Variants in GNPDA1 observed in about 807,000 individuals in gnomAD.
The protein encoded by GNPDA1 is glucosamine-6-phosphate deaminase 1.
Under a neutral mutation model 28.5 loss-of-function variants are expected in GNPDA1, and 24 were observed. The observed-to-expected ratio is 0.84, with a 90% CI of 0.61 to 1.19. GNPDA1 has a LOEUF of 1.19. Ranked by LOEUF, GNPDA1 falls within the 50% of genes most tolerant of loss-of-function variation. GNPDA1 has a pLI of 0.00. For synonymous variants in GNPDA1, 147 were observed against 139.3 expected (o/e 1.06, Z -0.39); for missense variants, 264 against 367.3 (o/e 0.72, Z 2.30).
rs1164670838 is a variant in GNPDA1, at chr5:142,005,312, A to G, written c.410-196T>C. On this transcript the variant is annotated intron_variant, in intron 4 of 6. Transcript: ENST00000311337. Reference sequence around the variant, plus strand: ...TCCCTACCATTTCTTTCTCTTTGCCATACTGTCTCAGAGGAGACCCTCCCC... The same window carrying G: ...TCCCTACCATTTCTTTCTCTTTGCCGTACTGTCTCAGAGGAGACCCTCCCC... 6.6e-5 allele frequency: 32 copies of G among 483,278 alleles called. No individual in the cohort carries two copies. The East Asian group carries it at 6.7e-4, about 10-fold the overall frequency. 29.9% of individuals were successfully genotyped at this position (483,278 alleles called of 1,614,324 possible). A position where few individuals can be genotyped will look rare whatever the true frequency, so the allele number is the denominator to read the frequency against.
rs1755686248 is a variant in GNPDA1 at position 142,001,908 on chromosome 5, T to A, written c.*121A>T. 2.0e-6 allele frequency: 1 copy of A among 495,520 alleles called. No individual in the cohort carries two copies. The highest frequency in any genetic ancestry group is 3.8e-5 in the Admixed American group (1 of 26,192). The allele number at this position is 495,520 out of a possible 1,614,324, so 30.7% of individuals were successfully genotyped here. On this transcript the variant is annotated 3_prime_UTR_variant, in exon 7 of 7. Transcript: ENST00000311337. Reference sequence around the variant, plus strand: ...CAGCCTCATGGCCAAGAACAATAAGTTCACCCACTTATCTGGAGTAACCAT... The same window carrying A: ...CAGCCTCATGGCCAAGAACAATAAGATCACCCACTTATCTGGAGTAACCAT...
At chr5:142,009,867 G>A (rs1487159718) in intron 2 of GNPDA1, among the ~76,000 whole-genome samples, 1 of 152,154 alleles carries the variant, frequency 6.6e-6, no homozygotes, top group African/African-American at 2.4e-5. Context: ...ACGCTGTCCT[G>A]TTGGTTCAAG....
intron 3 of GNPDA1, among the ~76,000 whole-genome samples, chr5:142,007,392 G>T (rs1755833823): frequency 6.6e-6 from 1 of 152,068 alleles, no homozygotes; most frequent in Admixed American, 6.6e-5. Context: ...TGGCAGAAAG[G>T]GGAGCTGGAG....
Position 142,006,308 on chromosome 5 carries a change from G to T in GNPDA1, c.245C>A (p.Pro82Gln), listed in dbSNP as rs759334566. 6.2e-7 allele frequency: 1 copy of T among 1,613,224 alleles called. No individual in the cohort carries two copies. The highest frequency in any genetic ancestry group is 8.5e-7 in the Non-Finnish European group (1 of 1,179,670). Residue 82 changes from proline (P) to glutamine (Q), a missense_variant, in exon 4 of 7, where the codon CCG becomes CAG. Transcript: ENST00000311337. The stretch of plus-strand genomic sequence containing the variant: ...CCACATGAAGGAGTGGTAACTCTCC[G>T]GGTGGTCTCGAGGAAGGCCTGTGGG... Reference protein sequence around the residue: ...DEYVGLPRDHPESYHSFMWNN... With the variant: ...DEYVGLPRDHQESYHSFMWNN...
intron 2 of GNPDA1, among the ~76,000 whole-genome samples, chr5:142,010,003 A>C (rs1755904432): frequency 6.6e-6 from 1 of 152,146 alleles, no homozygotes; most frequent in Non-Finnish European, 1.5e-5. Flanking sequence ...ACCCATACAG[A>C]GGTTGGGTCT....
chr5:142,007,422 GCA>G (rs1192255153), intron 3 of GNPDA1, among the ~76,000 whole-genome samples: 4 of 152,164 alleles, frequency 2.6e-5, no homozygotes, highest in Non-Finnish European at 5.9e-5. Flanking sequence ...AGAAGAGAAA[GCA>G]CAGACACAGA....
chr5:142,005,636 A>C (rs1755784116), intron 4 of GNPDA1, among the ~76,000 whole-genome samples: 1 of 152,186 alleles, frequency 6.6e-6, no homozygotes, highest in Admixed American at 6.5e-5. Context: ...AATAAAAGGC[A>C]GTTCAATGTT....
intron 1 of GNPDA1, 48 bp from the exon 2 acceptor site, chr5:142,012,089 C>G: frequency 6.5e-7 from 1 of 1,544,172 alleles, no homozygotes; most frequent in Non-Finnish European, 8.9e-7. Context: ...TGGTAAGGGG[C>G]AGAGAAAGAG....
chr5:142,008,944 A>T (rs1464921937), intron 2 of GNPDA1, among the ~76,000 whole-genome samples: 3 of 152,100 alleles, frequency 2.0e-5, no homozygotes, highest in Non-Finnish European at 4.4e-5. Context: ...CTTAGGTATG[A>T]TGGTATCATG....
intron 2 of GNPDA1, among the ~76,000 whole-genome samples, chr5:142,010,631 A>C (rs113668313): frequency 7.3e-4 from 111 of 151,316 alleles, no homozygotes; most frequent in African/African-American, 2.7e-3. Context: ...CTCACACCGT[A>C]GCCTCCTCAG....
chr5:142,000,696 G>GA lies in GNPDA1; in HGVS notation c.*1332dup, dbSNP rs1255466364. ...TTATTTGAAAATACTGGATTTAATA[G>GA]AAAATATCACATTGTAAACAAATCC... On this transcript the variant is annotated 3_prime_UTR_variant, in exon 7 of 7. Coordinates refer to ENST00000311337, the MANE Select transcript of GNPDA1 (RefSeq NM_005471.5). 3.3e-5 allele frequency: 5 copies of GA among 152,428 alleles called. No individual in the cohort carries two copies. In the East Asian group the frequency reaches 9.4e-4, roughly 29 times the overall value. 9.4% of individuals were successfully genotyped at this position (152,428 alleles called of 1,614,324 possible). A position where few individuals can be genotyped will look rare whatever the true frequency, so the allele number is the denominator to read the frequency against.
At position 142,001,822 on chromosome 5, in the gene GNPDA1, AT is replaced by A. The variant is rs922058503; in HGVS notation, c.*206del. The A allele has an allele frequency of 1.3e-4, 50 of 395,062 alleles. No individual in the cohort carries two copies. The highest frequency in any genetic ancestry group is 5.5e-4 in the Middle Eastern group (1 of 1,832). The allele number at this position is 395,062 out of a possible 1,614,324, so 24.5% of individuals were successfully genotyped here. A position where few individuals can be genotyped will look rare whatever the true frequency, so the allele number is the denominator to read the frequency against. ...AAATGATGGAGTACATTTTGCAGAT[AT>A]TTTTTTTCTGATTAAGTTACAAACA... On this transcript the variant is annotated 3_prime_UTR_variant, in exon 7 of 7. Coordinates refer to ENST00000311337, the MANE Select transcript of GNPDA1 (RefSeq NM_005471.5).
intron 5 of GNPDA1, 170 bp downstream of exon 5, chr5:142,004,762 G>A (rs1755758214): frequency 4.2e-6 from 2 of 480,830 alleles, no homozygotes; most frequent in Non-Finnish European, 7.5e-6. Flanking sequence ...GAATAATGAT[G>A]TCTTCCAAAG....
chr5:142,006,347 C>T (rs370544808), intron 3 of GNPDA1, 21 bp from the exon 4 acceptor site: 12 of 1,595,394 alleles, frequency 7.5e-6, no homozygotes, highest in East Asian at 2.2e-5. Context: ...GTGAGACACT[C>T]GGTTATGCCT....
chr5:142,006,130 A>G lies in GNPDA1; in HGVS notation c.409+14T>C. On this transcript the variant is annotated intron_variant, in intron 4 of 6. Transcript: ENST00000311337. ...CTGGCCCTGGACATGTGTGCTGCAG[A>G]GTGTCAAGCTCACCTCCAACAAATA... 6.2e-7 allele frequency: 1 copy of G among 1,604,510 alleles called. No individual in the cohort carries two copies. The highest frequency in any genetic ancestry group is 8.5e-7 in the Non-Finnish European group (1 of 1,173,158).
intron 2 of GNPDA1, among the ~76,000 whole-genome samples, chr5:142,008,618 T>C (rs903562680): frequency 2.6e-5 from 4 of 151,812 alleles, no homozygotes; most frequent in African/African-American, 9.7e-5. Flanking sequence ...TCCCAGCTAC[T>C]CGGGAGGCTG....
In GNPDA1 at chr5:142,003,322, G is replaced by T; in HGVS notation, c.595-60C>A. The T allele has an allele frequency of 8.8e-7, 1 of 1,138,286 alleles. No individual in the cohort carries two copies. Among genetic ancestry groups the T allele is most frequent in the Non-Finnish European group, 1.3e-6 (1 of 777,250 alleles). The allele number at this position is 1,138,286 out of a possible 1,614,324, so 70.5% of individuals were successfully genotyped here. ...AGCATTCCAGACACCCTAAACAGTT[G>T]TAAGGATGATTGTTTTTCATATCAC... On this transcript the variant is annotated intron_variant, in intron 5 of 6. Coordinates refer to ENST00000311337, the MANE Select transcript of GNPDA1 (RefSeq NM_005471.5). The surrounding 1 kb of genome is among the most constrained non-coding windows in gnomAD (Gnocchi z 4.0).
At chr5:142,010,601 G>A (rs1307947340) in intron 2 of GNPDA1, among the ~76,000 whole-genome samples, 2 of 149,284 alleles carry the variant, frequency 1.3e-5, no homozygotes, top group Non-Finnish European at 3.0e-5. Flanking sequence ...TCGACCTCCT[G>A]GCCCAAGCAA....
intron 1 of GNPDA1, chr5:142,012,683 C>T (rs1755992858): frequency 1.0e-6 from 1 of 954,534 alleles, no homozygotes; most frequent in East Asian, 1.2e-4. Context: ...CTTTGCGAAC[C>T]CCTCTGGGTC....
Sources: gnomAD v4.1 joint callset for allele counts (sites outside exome capture counted in the v4.1 genomes callset) on GRCh38, gnomAD v4.1.1 for gene constraint, Gnocchi (gnomAD v3.1) non-coding constraint, MANE v1.5 for transcripts, NCBI Gene and HGNC (gene_info 2026-07-23, HGNC 2026-07-21) for gene names.